Variants in IRAG2 observed in about 807,000 individuals in gnomAD.
The protein encoded by IRAG2 is lymphoid restricted membrane protein.
IRAG2 carries 45 observed loss-of-function variants against 69.9 expected under a neutral mutation model. The observed-to-expected ratio is 0.64, with a 90% CI of 0.51 to 0.83. The LOEUF (loss-of-function observed/expected upper bound fraction) is 0.83, where lower values mean the gene tolerates loss of function less well. IRAG2 is among the 40% of genes least tolerant of loss of function. The pLI, the probability that IRAG2 is intolerant of heterozygous loss-of-function variation, is 0.00. For synonymous variants in IRAG2, 193 were observed against 202.4 expected (o/e 0.95, Z 0.40); for missense variants, 520 against 587.0 (o/e 0.89, Z 1.18).
At chr12:25,022,547 C>T (rs951197118) in intron 7 of IRAG2, among the ~76,000 whole-genome samples, 2 of 152,126 alleles carry the variant, frequency 1.3e-5, no homozygotes, top group African/African-American at 4.8e-5. Context: ...GAATCCTAAT[C>T]ATTTGCATTT....
chr12:25,090,337 T>A, intron 14 of IRAG2, 140 bp downstream of exon 14: 1 of 683,034 alleles, frequency 1.5e-6, no homozygotes, highest in South Asian at 2.2e-5. Flanking sequence ...AGGCCCGGAG[T>A]TCAAGATCAT....
intron 13 of IRAG2, chr12:25,035,600 A>G: frequency 2.5e-6 from 1 of 398,774 alleles, no homozygotes; most frequent in Non-Finnish European, 4.4e-6. Context: ...AGTGAAAGTA[A>G]TGAATGTTCT....
At chr12:25,076,099 T>C (rs12231804) in intron 6 of IRAG2, among the ~76,000 whole-genome samples, 16,088 of 152,200 alleles carry the variant, frequency 0.11, 1,147 homozygotes, top group Admixed American at 0.17. Flanking sequence ...TCTTCTTTAC[T>C]CTAGTTAGTC....
At chr12:25,013,449 G>T (rs1944493443) in intron 3 of IRAG2, among the ~76,000 whole-genome samples, 1 of 152,308 alleles carries the variant, frequency 6.6e-6, no homozygotes, top group African/African-American at 2.4e-5. Flanking sequence ...CTACACTTCA[G>T]CCTGGGCAAG....
At chr12:25,040,792 G>A (rs183069969) in intron 16 of IRAG2, among the ~76,000 whole-genome samples, 82 of 152,280 alleles carry the variant, frequency 5.4e-4, no homozygotes, top group Non-Finnish European at 9.3e-4. Context: ...TACGACATCC[G>A]TCAGGATGTC....
exon 2 of IRAG2, chr12:25,005,304 A>C: frequency 8.1e-7 from 1 of 1,231,516 alleles, no homozygotes; most frequent in East Asian, 3.2e-5. Context: ...AGGGCCTGTA[A>C]AGAAGAGGCA....
At chr12:25,003,504 C>G (rs1344494240), upstream of IRAG2, among the ~76,000 whole-genome samples, 1 of 151,860 alleles carries the variant, frequency 6.6e-6, no homozygotes, top group African/African-American at 2.4e-5. Context: ...CACCACCACA[C>G]CCAGCCTAGA....
intron 1 of IRAG2, among the ~76,000 whole-genome samples, chr12:25,058,347 C>A (rs887817994): frequency 6.6e-6 from 1 of 152,160 alleles, no homozygotes; most frequent in East Asian, 1.9e-4. Flanking sequence ...GATGTTGGGA[C>A]CTTTTTCTTG....
At chr12:25,055,794 A>T in intron 1 of IRAG2, among the ~76,000 whole-genome samples, 1 of 152,174 alleles carries the variant, frequency 6.6e-6, no homozygotes, top group East Asian at 1.9e-4. Flanking sequence ...CTCATCTAAA[A>T]AGGAAATTTT....
intron 9 of IRAG2, among the ~76,000 whole-genome samples, chr12:25,082,071 A>G (rs1044084855): frequency 1.3e-5 from 2 of 152,090 alleles, no homozygotes; most frequent in African/African-American, 4.8e-5. Context: ...ATTAAAAAAA[A>G]ATTGTGAAGA....
chr12:25,029,790 C>T (rs11615295), intron 9 of IRAG2, among the ~76,000 whole-genome samples: 2,947 of 152,258 alleles, frequency 0.019, 30 homozygotes, highest in Non-Finnish European at 0.029. Flanking sequence ...AAACCATCCT[C>T]CAGCCTCAGC....
rs1380320592 is a variant in IRAG2, at chr12:25,022,710, A to G, written c.1333-1161A>G. ...GTCCAGAGGAAGTTTTTAATTGTTC[A>G]AAGTCAATTGTCTAATAAATGATAG... On this transcript the variant is annotated intron_variant, in intron 7 of 38. Transcript: ENST00000636465. 3.9e-5 allele frequency among the ~76,000 whole-genome samples: 6 copies of G among 152,378 alleles called. No individual in the cohort carries two copies. In the South Asian group the frequency reaches 1.0e-3, roughly 26 times the overall value.
chr12:25,038,739 G>A (rs1285459022), intron 16 of IRAG2, among the ~76,000 whole-genome samples: 6 of 152,020 alleles, frequency 3.9e-5, no homozygotes, highest in Non-Finnish European at 7.4e-5. Context: ...ACCAGAAGAA[G>A]CCTTAGAGAG....
chr12:25,030,201 A>T, intron 9 of IRAG2: 1 of 943,378 alleles, frequency 1.1e-6, no homozygotes, highest in Non-Finnish European at 1.4e-6. Context: ...GAAACATCTT[A>T]CTGGAATGAT....
At chr12:25,068,360 G>A (rs1417192945) in intron 5 of IRAG2, among the ~76,000 whole-genome samples, 3 of 152,222 alleles carry the variant, frequency 2.0e-5, no homozygotes, top group Non-Finnish European at 4.4e-5. Context: ...AGGAGGGTCT[G>A]TCTTTGTGGA....
chr12:25,087,180 T>TTTTTTTTTTGTTG (rs1450270058), intron 10 of IRAG2, among the ~76,000 whole-genome samples: 31 of 125,226 alleles, frequency 2.5e-4, no homozygotes, highest in African/African-American at 9.0e-4. Flanking sequence ...TTTTTTTTTT[T>TTTTTTTTTTGTTG]TTGTTGAGAC....
chr12:25,063,046 TA>T, intron 3 of IRAG2, 146 bp downstream of exon 3: 1 of 393,052 alleles, frequency 2.5e-6, no homozygotes, highest in Non-Finnish European at 4.5e-6. Context: ...AGGCAACAGA[TA>T]CGTGTTTTTG....
chr12:25,099,151 T>C (rs1333549151), intron 15 of IRAG2, among the ~76,000 whole-genome samples: 1 of 152,150 alleles, frequency 6.6e-6, no homozygotes, highest in African/African-American at 2.4e-5. Context: ...CAAATTCATA[T>C]GTTTAGCCTA....
In IRAG2 at chr12:25,090,264, T is replaced by A. The variant is rs1479075371; in HGVS notation, c.606+67T>A. 1.5e-5 allele frequency: 22 copies of A among 1,478,612 alleles called. No individual in the cohort carries two copies. In the East Asian group the frequency reaches 4.8e-4, roughly 32 times the overall value. 91.6% of individuals were successfully genotyped at this position (1,478,612 alleles called of 1,614,324 possible). ...CAGGCACAGTGGCTCACACCTATAATCCCTGCACTTTGGGAGGCCAAGGCA... is the reference window on the plus strand; with the variant it reads ...CAGGCACAGTGGCTCACACCTATAAACCCTGCACTTTGGGAGGCCAAGGCA... On this transcript the variant is annotated intron_variant, in intron 14 of 21. Coordinates refer to ENST00000556887, the MANE Select transcript of IRAG2 (RefSeq NM_001366544.2).
Sources: allele counts gnomAD v4.1 joint callset (sites outside exome capture counted in the v4.1 genomes callset), GRCh38; gene constraint gnomAD v4.1.1; transcripts MANE v1.5; gene names NCBI Gene and HGNC (gene_info 2026-07-23, HGNC 2026-07-21).